The following EPHB1 variants were observed in gnomAD, a reference collection of about 807,000 sequenced individuals.
The protein encoded by EPHB1 is ephrin type-B receptor 1.
Under a neutral mutation model 94.4 loss-of-function variants are expected in EPHB1, and 30 were observed. The ratio of observed to expected loss-of-function variants is 0.32; its 90% confidence interval spans 0.24 to 0.43. EPHB1 has a LOEUF of 0.43. EPHB1 is among the 20% of genes least tolerant of loss of function. The pLI is 1.00. For synonymous variants in EPHB1, 522 were observed against 489.1 expected (o/e 1.07, Z -0.89); for missense variants, 1,055 against 1,308.3 (o/e 0.81, Z 2.99).
At chr3:134,970,574 A>G (rs750964642) in intron 3 of EPHB1, among the ~76,000 whole-genome samples, 13 of 152,132 alleles carry the variant, frequency 8.5e-5, no homozygotes, top group Non-Finnish European at 1.6e-4. Context: ...CTATATGAGG[A>G]CAGCGGTATT....
chr3:135,047,755 C>A (rs1264677109), intron 3 of EPHB1, among the ~76,000 whole-genome samples: 3 of 152,192 alleles, frequency 2.0e-5, no homozygotes, highest in African/African-American at 7.2e-5. Context: ...GCCAGTGCTT[C>A]TAGAACAGAA....
At chr3:135,094,044 C>T (rs1038581401) in intron 3 of EPHB1, among the ~76,000 whole-genome samples, 1 of 152,148 alleles carries the variant, frequency 6.6e-6, no homozygotes, top group African/African-American at 2.4e-5. Flanking sequence ...CATGAGTGCC[C>T]TCATAGTTAA....
At chr3:134,922,388 G>C (rs1008908256) in intron 1 of EPHB1, among the ~76,000 whole-genome samples, 2 of 152,206 alleles carry the variant, frequency 1.3e-5, no homozygotes, top group Admixed American at 6.5e-5. Context: ...TTATGGTTTT[G>C]TGGTCTTCTG....
intron 3 of EPHB1, among the ~76,000 whole-genome samples, chr3:135,036,189 TA>T (rs1460587018): frequency 6.6e-6 from 1 of 152,146 alleles, no homozygotes. Context: ...GCCGTTGGCA[TA>T]GGTAGCACAG....
chr3:135,060,279 A>G (rs961523761), intron 3 of EPHB1, among the ~76,000 whole-genome samples: 2 of 152,202 alleles, frequency 1.3e-5, no homozygotes, highest in African/African-American at 4.8e-5. Context: ...ATCACACAGT[A>G]TGTAATCTTT....
At chr3:135,210,432 A>G (rs916358627) in intron 12 of EPHB1, among the ~76,000 whole-genome samples, 26 of 152,202 alleles carry the variant, frequency 1.7e-4, no homozygotes, top group African/African-American at 6.3e-4. Context: ...TGGCATACAA[A>G]CAGAAACAAA....
chr3:134,967,288 G>GT (rs1304606990), intron 3 of EPHB1, among the ~76,000 whole-genome samples: 1 of 152,194 alleles, frequency 6.6e-6, no homozygotes, highest in African/African-American at 2.4e-5. Context: ...GTACTAACTA[G>GT]TCAGGGAGGA....
intron 4 of EPHB1, among the ~76,000 whole-genome samples, chr3:135,122,810 T>C (rs1217023087): frequency 6.6e-6 from 1 of 152,260 alleles, no homozygotes; most frequent in Admixed American, 6.5e-5. Context: ...GGCTCTTTGA[T>C]GCTCCTGAAA....
intron 3 of EPHB1, among the ~76,000 whole-genome samples, chr3:135,072,874 TTTC>T (rs571344794): frequency 3.9e-4 from 60 of 152,328 alleles, no homozygotes; most frequent in Admixed American, 1.1e-3. Flanking sequence ...GTTGCTCTTT[TTTC>T]TTCTTGATCT....
intron 2 of EPHB1, among the ~76,000 whole-genome samples, chr3:134,940,106 G>A (rs1324093585): frequency 6.7e-6 from 1 of 150,326 alleles, no homozygotes; most frequent in East Asian, 1.9e-4. Flanking sequence ...GTTTCTCTGT[G>A]TCTGTAAGGA....
chr3:134,971,973 T>C (rs1168277184), intron 3 of EPHB1, among the ~76,000 whole-genome samples: 1 of 152,162 alleles, frequency 6.6e-6, no homozygotes, highest in African/African-American at 2.4e-5. Flanking sequence ...TAATATTTCT[T>C]AAATGGTATT....
chr3:135,133,911 G>A (rs916498770), intron 5 of EPHB1, among the ~76,000 whole-genome samples: 31 of 152,182 alleles, frequency 2.0e-4, no homozygotes, highest in Non-Finnish European at 1.0e-4. Flanking sequence ...TGTGTGCCAC[G>A]CTGTGGATTA....
At position 135,259,751 on chromosome 3, in the gene EPHB1, A is replaced by C. The variant is rs1039736825; in HGVS notation, c.*631A>C. 20 of 212,000 alleles carry C rather than the reference A, an allele frequency of 9.4e-5. No homozygotes were observed. The highest frequency in any genetic ancestry group is 1.5e-4 in the Non-Finnish European group (16 of 104,308). 13.1% of individuals were successfully genotyped at this position (212,000 alleles called of 1,614,324 possible). A position where few individuals can be genotyped will look rare whatever the true frequency, so the allele number is the denominator to read the frequency against. On this transcript the variant is annotated 3_prime_UTR_variant, in exon 16 of 16. Transcript: ENST00000398015. ...AAGAAGAGATGTACCTTCAATTGAA[A>C]ACCTCGTTTTTCTTTTGTTTGCATT...
At chr3:135,157,848 C>A (rs1012845086) in intron 6 of EPHB1, among the ~76,000 whole-genome samples, 1 of 151,966 alleles carries the variant, frequency 6.6e-6, no homozygotes, top group Non-Finnish European at 1.5e-5. Context: ...TAGCTCTGAT[C>A]CTTAAAGGAA....
intron 3 of EPHB1, among the ~76,000 whole-genome samples, chr3:134,986,708 A>T (rs1054529114): frequency 7.3e-6 from 1 of 136,166 alleles, no homozygotes; most frequent in African/African-American, 2.9e-5. Context: ...ATTTAAAGAT[A>T]TTAACACACA....
intron 3 of EPHB1, among the ~76,000 whole-genome samples, chr3:135,063,969 T>A (rs983533302): frequency 6.6e-6 from 1 of 152,232 alleles, no homozygotes; most frequent in Non-Finnish European, 1.5e-5. Flanking sequence ...TTTTTGTTTT[T>A]AATTCTGTTT....
intron 1 of EPHB1, among the ~76,000 whole-genome samples, chr3:134,829,224 T>C (rs1275121127): frequency 6.6e-6 from 1 of 152,208 alleles, no homozygotes; most frequent in Non-Finnish European, 1.5e-5. Flanking sequence ...ACCACTAGCA[T>C]CTATTGAGAT....
chr3:135,027,593 G>C (rs1936236608), intron 3 of EPHB1, among the ~76,000 whole-genome samples: 1 of 151,098 alleles, frequency 6.6e-6, no homozygotes, highest in Non-Finnish European at 1.5e-5. Context: ...TAAGCTTTTT[G>C]ATGTGCTGCT....
chr3:135,040,677 G>A lies in EPHB1; in HGVS notation c.806-65771G>A, dbSNP rs1400916823. On this transcript the variant is annotated intron_variant, in intron 3 of 15. Coordinates refer to ENST00000398015, the MANE Select transcript of EPHB1 (RefSeq NM_004441.5). Reference sequence around the variant, plus strand: ...CAGCCCAATAAACATGGCTGTGAGGGGTCCTGAAGCCAGGGGTTGTGAGAA... The same window carrying A: ...CAGCCCAATAAACATGGCTGTGAGGAGTCCTGAAGCCAGGGGTTGTGAGAA... Among the ~76,000 whole-genome samples the A allele has an allele frequency of 2.0e-5, 3 of 152,314 alleles. No individual in the cohort carries two copies. The East Asian group carries it at 5.8e-4, about 29-fold the overall frequency.
Sources: allele counts gnomAD v4.1 joint callset (sites outside exome capture counted in the v4.1 genomes callset), GRCh38; gene constraint gnomAD v4.1.1; transcripts MANE v1.5; gene names NCBI Gene and HGNC (gene_info 2026-07-23, HGNC 2026-07-21).